ANP32A: variants seen among roughly 807,000 people sequenced by gnomAD.
ANP32A encodes acidic nuclear phosphoprotein 32 family member A.
ANP32A carries 1 observed loss-of-function variant against 33.9 expected under a neutral mutation model. That is an observed-to-expected ratio of 0.03 (90% CI 0.01 to 0.14). The LOEUF is 0.14. ANP32A is among the 10% of genes least tolerant of loss of function. The pLI is 1.00. For synonymous variants in ANP32A, 115 were observed against 120.5 expected, an observed-to-expected ratio of 0.95 and a Z score of 0.30; for missense variants, 155 against 306.0, an observed-to-expected ratio of 0.51 and a Z score of 3.68.
intron 3 of ANP32A, among the ~76,000 whole-genome samples, chr15:68,786,915 G>C (rs977598369): frequency 3.3e-5 from 5 of 152,152 alleles, no homozygotes; most frequent in African/African-American, 1.2e-4. Context: ...GCCTGCACGA[G>C]GCTCTCACAC....
chr15:68,780,515 C>A lies in ANP32A; in HGVS notation c.625-42G>T, dbSNP rs1184678457. ...ACACCAGAACATTAGAAATGCCCTG[C>A]CTTGGGACATGCTGAGGAAGCCACA... On this transcript the variant is annotated intron_variant, in intron 5 of 6. Transcript: ENST00000465139. This position sits in a 1 kb window ranked among gnomAD's most constrained non-coding sequence, Gnocchi z 4.3. 1 of 1,612,708 alleles carries A rather than the reference C, an allele frequency of 6.2e-7. No homozygotes were observed. Among genetic ancestry groups the A allele is most frequent in the Admixed American group, 1.7e-5 (1 of 59,862 alleles).
chr15:68,784,340 C>T (rs749673651), intron 4 of ANP32A, 57 bp downstream of exon 4: 23 of 1,569,040 alleles, frequency 1.5e-5, no homozygotes, highest in Admixed American at 1.3e-4. Context: ...AAGCCAAGGA[C>T]GAGCCCCAAG....
At chr15:68,799,680 T>C (rs1163589461) in intron 1 of ANP32A, among the ~76,000 whole-genome samples, 3 of 152,164 alleles carry the variant, frequency 2.0e-5, no homozygotes, top group African/African-American at 4.8e-5. Context: ...GGACCAGGGC[T>C]CCTTGGTCAG....
chr15:68,787,675 G>A lies in ANP32A; in HGVS notation c.204+95C>T, dbSNP rs538468460. 547 of 1,593,366 alleles carry A rather than the reference G, an allele frequency of 3.4e-4. No individual in the cohort carries two copies. The African/African-American group carries it at 6.7e-3, about 19-fold the overall frequency. ...GTCTGGCATGTTGGTGCAAGCACCC[G>A]GCTTTCCCTTCAATTACTCTTTCTA... On this transcript the variant is annotated intron_variant, in intron 2 of 6. Transcript: ENST00000465139.
chr15:68,796,796 T>C lies in ANP32A; in HGVS notation c.55-8877A>G, dbSNP rs926736388. Among the ~76,000 whole-genome samples, 23 of 152,322 alleles carry C rather than the reference T, an allele frequency of 1.5e-4. 1 individual carries two copies. Among genetic ancestry groups the C allele is most frequent in the Middle Eastern group, 6.8e-3 (2 of 294 alleles). ...GGGAAGTCACTACCACTCTCTGGGC[T>C]TCTCCTAGTCCTCTAGTCCATACAC... On this transcript the variant is annotated intron_variant, in intron 1 of 6. Transcript: ENST00000465139.
rs1398369288 is a variant in ANP32A, at chr15:68,780,409, C to G, written c.688+1G>C. On this transcript the variant is annotated splice_donor_variant, in intron 6 of 6. Coordinates refer to ENST00000465139, the MANE Select transcript of ANP32A (RefSeq NM_006305.4). LOFTEE classifies it high-confidence loss of function. This position sits in a 1 kb window ranked among gnomAD's most constrained non-coding sequence, Gnocchi z 4.3. ...AGCTGAGAGTAAAAAGGCTGCCATACCACCAAGCTCTTCTTCATCTTCCTC... is the reference window on the plus strand; with the variant it reads ...AGCTGAGAGTAAAAAGGCTGCCATAGCACCAAGCTCTTCTTCATCTTCCTC... 1 of 1,613,890 alleles carries G rather than the reference C, an allele frequency of 6.2e-7. No homozygotes were observed. The highest frequency in any genetic ancestry group is 8.5e-7 in the Non-Finnish European group (1 of 1,179,906).
chr15:68,792,162 C>T (rs182173736), intron 1 of ANP32A: 1 of 151,544 alleles, frequency 6.6e-6, no homozygotes, highest in East Asian at 1.9e-4. Context: ...ACTTCCCCTG[C>T]CAAGTCCTGG....
At chr15:68,793,157 C>T (rs992205047) in intron 1 of ANP32A, among the ~76,000 whole-genome samples, 3 of 152,174 alleles carry the variant, frequency 2.0e-5, no homozygotes, top group African/African-American at 4.8e-5. Flanking sequence ...GACTGTCCTC[C>T]GTAATCAGCC....
intron 1 of ANP32A, among the ~76,000 whole-genome samples, chr15:68,820,154 G>T (rs1043498668): frequency 2.6e-5 from 4 of 152,090 alleles, no homozygotes; most frequent in African/African-American, 9.7e-5. Flanking sequence ...AACTAAACCG[G>T]ACTCGCGAAG....
chr15:68,786,897 G>A (rs1277582352), intron 3 of ANP32A, among the ~76,000 whole-genome samples: 8 of 152,120 alleles, frequency 5.3e-5, no homozygotes, highest in Admixed American at 5.2e-4. Flanking sequence ...CCACGTTGAG[G>A]AAGGCCTGCC....
At chr15:68,820,300 C>T (rs1894454741) in intron 1 of ANP32A, among the ~76,000 whole-genome samples, 2 of 152,152 alleles carry the variant, frequency 1.3e-5, no homozygotes, top group South Asian at 4.1e-4. Context: ...GAGGCAGCCC[C>T]TCTCCTCCTC....
rs921234731 is a variant in ANP32A at position 68,820,881 on chromosome 15, C to A, written c.-130G>T. On this transcript the variant is annotated 5_prime_UTR_variant, in exon 1 of 7. Coordinates refer to ENST00000465139, the MANE Select transcript of ANP32A (RefSeq NM_006305.4). ...CCGCTCGGTTCTCGAGCCCCCAGCA[C>A]CCGCGGCGCACACTAACCTGATCGC... 10 of 1,120,950 alleles carry A rather than the reference C, an allele frequency of 8.9e-6. No individual in the cohort carries two copies. In the African/African-American group the frequency reaches 1.4e-4, roughly 16 times the overall value. 69.4% of individuals were successfully genotyped at this position (1,120,950 alleles called of 1,614,324 possible). A position where few individuals can be genotyped will look rare whatever the true frequency, so the allele number is the denominator to read the frequency against.
chr15:68,785,878 T>C (rs1022697175), intron 3 of ANP32A, among the ~76,000 whole-genome samples: 1 of 152,212 alleles, frequency 6.6e-6, no homozygotes, highest in African/African-American at 2.4e-5. Flanking sequence ...CCTTTTGTAA[T>C]GACATTATAA....
intron 1 of ANP32A, among the ~76,000 whole-genome samples, chr15:68,802,814 G>A (rs1386687937): frequency 6.6e-6 from 1 of 151,986 alleles, no homozygotes; most frequent in Non-Finnish European, 1.5e-5. Context: ...CATCATGCCC[G>A]GCTAATTTTT....
At chr15:68,781,932 T>A (rs1006988437) in intron 5 of ANP32A, among the ~76,000 whole-genome samples, 16 of 152,104 alleles carry the variant, frequency 1.1e-4, no homozygotes, top group African/African-American at 3.4e-4. Flanking sequence ...TTGGCCTGTG[T>A]CTCTCAAGCC....
At chr15:68,819,544 G>T (rs1894441578) in intron 1 of ANP32A, among the ~76,000 whole-genome samples, 1 of 152,250 alleles carries the variant, frequency 6.6e-6, no homozygotes, top group Non-Finnish European at 1.5e-5. Flanking sequence ...GCATAAACGT[G>T]GACCCAGCCA....
At chr15:68,798,200 T>C (rs1023384958) in intron 1 of ANP32A, among the ~76,000 whole-genome samples, 2 of 152,224 alleles carry the variant, frequency 1.3e-5, no homozygotes, top group Non-Finnish European at 2.9e-5. Flanking sequence ...GGTTTCTGCC[T>C]TGGAGTCCGG....
At chr15:68,800,440 A>G (rs1354769328) in intron 1 of ANP32A, among the ~76,000 whole-genome samples, 3 of 75,284 alleles carry the variant, frequency 4.0e-5, no homozygotes, top group Admixed American at 4.0e-4. Flanking sequence ...TGCTGCAAAG[A>G]AAAAAAAAAA....
intron 1 of ANP32A, chr15:68,789,759 C>T (rs1212719573): frequency 6.6e-6 from 1 of 152,556 alleles, no homozygotes; most frequent in Non-Finnish European, 1.5e-5. Flanking sequence ...TTTCATCTAG[C>T]ACAGCCCACA....
Sources: gnomAD v4.1 joint callset for allele counts (sites outside exome capture counted in the v4.1 genomes callset) on GRCh38, gnomAD v4.1.1 for gene constraint, Gnocchi (gnomAD v3.1) non-coding constraint, MANE v1.5 for transcripts, NCBI Gene and HGNC (gene_info 2026-07-23, HGNC 2026-07-21) for gene names.